The following DOK2 variants were observed in gnomAD, a reference collection of about 807,000 sequenced individuals.
The protein encoded by DOK2 is docking protein 2, 56kD.
DOK2 carries 28 observed loss-of-function variants against 26.0 expected under a neutral mutation model. The ratio of observed to expected loss-of-function variants is 1.08; its 90% confidence interval spans 0.80 to 1.48. The LOEUF (loss-of-function observed/expected upper bound fraction) is 1.48, where lower values mean the gene tolerates loss of function less well. Ranked by LOEUF, DOK2 falls within the 40% of genes most tolerant of loss-of-function variation. DOK2 has a pLI of 0.00. For synonymous variants in DOK2, 282 were observed against 236.9 expected, an observed-to-expected ratio of 1.19 and a Z score of -1.75; for missense variants, 682 against 558.2, an observed-to-expected ratio of 1.22 and a Z score of -2.23.
At position 21,913,664 on chromosome 8, in the gene DOK2, CTTCTTAGCCG is replaced by C; in HGVS notation, c.-73_-64del. 6.3e-7 allele frequency: 1 copy of C among 1,586,540 alleles called. No homozygotes were observed. On this transcript the variant is annotated 5_prime_UTR_variant, in exon 1 of 5. Coordinates refer to ENST00000276420, the MANE Select transcript of DOK2 (RefSeq NM_003974.4). ...CCTTCACTCCTGCCCTTGCCTCTCT[CTTCTTAGCCG>C]TGTGTTTCCCTTCTCTGAAGTTCAT...
Position 21,913,662 on chromosome 8 carries a change from C to G in DOK2, c.-61G>C. On this transcript the variant is annotated 5_prime_UTR_variant, in exon 1 of 5. Coordinates refer to ENST00000276420, the MANE Select transcript of DOK2 (RefSeq NM_003974.4). ...CTCCTTCACTCCTGCCCTTGCCTCT[C>G]TCTTCTTAGCCGTGTGTTTCCCTTC... is the stretch of plus-strand genomic sequence containing the variant. The G allele has an allele frequency of 6.3e-7, 1 of 1,588,236 alleles. No homozygotes were observed. Among genetic ancestry groups the G allele is most frequent in the South Asian group, 1.1e-5 (1 of 90,536 alleles).
rs1209601309 is a variant in DOK2, at chr8:21,912,343, G to A, written c.231C>T (p.Ser77=). The A allele has an allele frequency of 3.1e-6, 5 of 1,607,518 alleles. No homozygotes were observed. In the African/African-American group the frequency reaches 4.0e-5, roughly 13 times the overall value. Reference sequence around the variant, plus strand: ...GGAAGAAGGCACTGGTGTCCCGGGGGCTGCTGGCCTCTCCGCCGGCCTCGG... The same window carrying A: ...GGAAGAAGGCACTGGTGTCCCGGGGACTGCTGGCCTCTCCGCCGGCCTCGG... ...RVAEAGGEAS[S]PRDTSAFFLE... is the part of the protein sequence containing the mutation. The change falls in exon 2 of 5, where the codon AGC becomes AGT. Residue 77 remains serine, a synonymous_variant. Coordinates refer to ENST00000276420, the MANE Select transcript of DOK2 (RefSeq NM_003974.4).
intron 3 of DOK2, chr8:21,911,162 A>G: frequency 2.8e-6 from 1 of 362,880 alleles, no homozygotes; most frequent in Non-Finnish European, 5.0e-6. Context: ...TCCCCACCCC[A>G]TCTCTCACCC....
chr8:21,909,229 G>T lies in DOK2; in HGVS notation c.*82C>A. ...CAGGCCTCGGGCTCCAGAAGGGGCA[G>T]AGGAGGTTCTTCTGATGCAGTGGCC... On this transcript the variant is annotated 3_prime_UTR_variant, in exon 5 of 5. Transcript: ENST00000276420. 6.8e-7 allele frequency: 1 copy of T among 1,479,240 alleles called. No individual in the cohort carries two copies. The highest frequency in any genetic ancestry group is 9.1e-7 in the Non-Finnish European group (1 of 1,104,010). 91.6% of individuals were successfully genotyped at this position (1,479,240 alleles called of 1,614,324 possible). A position where few individuals can be genotyped will look rare whatever the true frequency, so the allele number is the denominator to read the frequency against.
chr8:21,911,858 G>A, intron 3 of DOK2, 43 bp downstream of exon 3: 1 of 1,535,904 alleles, frequency 6.5e-7, no homozygotes, highest in Non-Finnish European at 8.8e-7. Context: ...CTCACCCTGG[G>A]GAGAGCCCCC....
rs899705382 is a variant in DOK2 at position 21,913,535 on chromosome 8, C to T, written c.63+4G>A. On this transcript the variant is annotated splice_donor_region_variant and intron_variant, in intron 1 of 4. Transcript: ENST00000276420. ...GCCCAACCCCAGCCCAGCCTCACTC[C>T]TACCTTTCCAAACGTCTGCTGCTGC... 1.2e-6 allele frequency: 2 copies of T among 1,613,960 alleles called. No homozygotes were observed. Among genetic ancestry groups the T allele is most frequent in the African/African-American group, 2.7e-5 (2 of 74,926 alleles).
chr8:21,911,725 TAC>T (rs1215083150), intron 3 of DOK2, among the ~76,000 whole-genome samples, 174 bp downstream of exon 3: 1 of 152,132 alleles, frequency 6.6e-6, no homozygotes, highest in Non-Finnish European at 1.5e-5. Context: ...GTAGGCTCCC[TAC>T]GTTGGGCTGC....
At position 21,912,390 on chromosome 8, in the gene DOK2, G is replaced by A. The variant is rs1319734118; in HGVS notation, c.184C>T (p.Leu62Phe). Residue 62 changes from leucine (L) to phenylalanine (F), a missense_variant, in exon 2 of 5, where the codon CTC (leucine) becomes TTC (phenylalanine). By Grantham distance (22) the Leu-to-Phe change is conservative. Coordinates refer to ENST00000276420, the MANE Select transcript of DOK2 (RefSeq NM_003974.4). ...RCEAARKVIR[L>F]SDCLRVAEAG... ...TCGGCCACCCGCAGGCAGTCACTGA[G>A]GCGGATGACCTTCCGGGCAGCCTCA... 6.2e-7 allele frequency: 1 copy of A among 1,600,302 alleles called. No individual in the cohort carries two copies. The highest frequency in any genetic ancestry group is 8.5e-7 in the Non-Finnish European group (1 of 1,175,160).
intron 2 of DOK2, 32 bp from the exon 3 acceptor site, chr8:21,912,020 C>T (rs1375093453): frequency 1.9e-6 from 3 of 1,538,766 alleles, no homozygotes; most frequent in South Asian, 2.4e-5. Context: ...TCATCACCTT[C>T]CCCGATCCCC....
At position 21,912,261 on chromosome 8, in the gene DOK2, A is replaced by T; in HGVS notation, c.313T>A (p.Trp105Arg). 1.3e-6 allele frequency: 2 copies of T among 1,575,278 alleles called. No individual in the cohort carries two copies. Among genetic ancestry groups the T allele is most frequent in the Non-Finnish European group, 1.7e-6 (2 of 1,163,590 alleles). ...GCCAGGAGGCAGATGGCCTGCACCC[A>T]GTCGCCGCGCTCCGCTGCAGGGGCC... ...LAAPAAERGD[W>R]VQAICLLAFP... The change falls in exon 2 of 5, where the codon TGG becomes AGG. Residue 105 changes from tryptophan (W) to arginine (R), a missense_variant. Transcript: ENST00000276420.
intron 3 of DOK2, among the ~76,000 whole-genome samples, chr8:21,911,449 A>G (rs570059332): frequency 1.3e-5 from 2 of 152,308 alleles, no homozygotes; most frequent in African/African-American, 4.8e-5. Flanking sequence ...TCTACTAAAA[A>G]TACAAAAAAT....
intron 4 of DOK2, 55 bp downstream of exon 4, chr8:21,910,618 T>G: frequency 1.2e-6 from 2 of 1,602,186 alleles, no homozygotes; most frequent in Non-Finnish European, 1.7e-6. Flanking sequence ...CTCACCCCTC[T>G]TTGTTCGTAG....
chr8:21,911,562 T>C (rs914727176), intron 3 of DOK2, among the ~76,000 whole-genome samples: 2 of 152,116 alleles, frequency 1.3e-5, no homozygotes, highest in Non-Finnish European at 2.9e-5. Context: ...GAGCCGAGAT[T>C]GTGCCATTGC....
intron 3 of DOK2, 41 bp from the exon 4 acceptor site, chr8:21,910,898 G>A (rs1004338135): frequency 1.9e-6 from 3 of 1,555,116 alleles, no homozygotes; most frequent in Middle Eastern, 1.8e-4. Context: ...CAGTTAATGG[G>A]AAACAGCTGG....
chr8:21,909,527 A>G lies in DOK2; in HGVS notation c.1023T>C (p.Pro341=). Residue 341 remains proline, a synonymous_variant, in exon 5 of 5, where the codon CCT becomes CCC. Transcript: ENST00000276420. ...DSIEETLPPR[P]DHIYDEPEGV... ...CCTCGGGCTCATCGTATATGTGGTC[A>G]GGTCGAGGGGGCAGGGTCTCCTCAA... The G allele has an allele frequency of 1.2e-6, 2 of 1,614,162 alleles. No homozygotes were observed. Among genetic ancestry groups the G allele is most frequent in the Non-Finnish European group, 1.7e-6 (2 of 1,180,028 alleles).
chr8:21,912,626 T>C (rs1809904807), intron 1 of DOK2, 116 bp from the exon 2 acceptor site: 2 of 995,116 alleles, frequency 2.0e-6, no homozygotes, highest in South Asian at 1.7e-5. Flanking sequence ...CACTTGGAGA[T>C]GGGGAGAGAG....
Position 21,909,644 on chromosome 8 carries a change from G to A in DOK2, c.906C>T (p.Pro302=). The A allele has an allele frequency of 1.2e-6, 2 of 1,613,244 alleles. No individual in the cohort carries two copies. Among genetic ancestry groups the A allele is most frequent in the Non-Finnish European group, 1.7e-6 (2 of 1,180,042 alleles). Residue 302 remains proline (P), a synonymous_variant, in exon 5 of 5, where the codon CCC becomes CCT. Coordinates refer to ENST00000276420, the MANE Select transcript of DOK2 (RefSeq NM_003974.4). ...CCAAGGAACGGGCCACCGCATCGAA[G>A]GGCACGGCATACTCCCCCTCCTGGC... The part of the protein sequence containing the change: ...PRGQEGEYAV[P]FDAVARSLGK...
In DOK2 at chr8:21,912,264, C is replaced by G. The variant is rs1035827426; in HGVS notation, c.310G>C (p.Asp104His). ...LLAAPAAERGDWVQAICLLAF... is the reference protein window; with the variant it reads ...LLAAPAAERGHWVQAICLLAF... ...AGGAGGCAGATGGCCTGCACCCAGTCGCCGCGCTCCGCTGCAGGGGCCGCC... is the reference window on the plus strand; with the variant it reads ...AGGAGGCAGATGGCCTGCACCCAGTGGCCGCGCTCCGCTGCAGGGGCCGCC... Residue 104 changes from aspartate (D) to histidine (H), a missense_variant, in exon 2 of 5, where the codon GAC becomes CAC. Asp to His is a moderately conservative substitution (Grantham distance 81). Coordinates refer to ENST00000276420, the MANE Select transcript of DOK2 (RefSeq NM_003974.4). 1.3e-6 allele frequency: 2 copies of G among 1,575,060 alleles called. No individual in the cohort carries two copies. Among genetic ancestry groups the G allele is most frequent in the East Asian group, 4.7e-5 (2 of 42,276 alleles).
At chr8:21,912,578 G>T in intron 1 of DOK2, 68 bp from the exon 2 acceptor site, 13 of 1,429,464 alleles carry the variant, frequency 9.1e-6, no homozygotes, top group Non-Finnish European at 1.2e-5. Context: ...CGTGAGCCAA[G>T]GGGAGAAGAG....
Sources: allele counts gnomAD v4.1 joint callset (sites outside exome capture counted in the v4.1 genomes callset), GRCh38; gene constraint gnomAD v4.1.1; transcripts MANE v1.5; gene names NCBI Gene and HGNC (gene_info 2026-07-23, HGNC 2026-07-21).